The following MRAP2 variants were observed in gnomAD, a reference collection of about 807,000 sequenced individuals.
MRAP2 encodes the protein melanocortin 2 receptor accessory protein 2.
MRAP2 carries 20 observed loss-of-function variants against 17.4 expected under a neutral mutation model. The observed-to-expected ratio is 1.15, with a 90% CI of 0.81 to 1.67. The LOEUF is 1.67. MRAP2 is among the 40% of genes most tolerant of loss of function. The pLI is 0.00. For synonymous variants in MRAP2, 96 were observed against 88.4 expected, an observed-to-expected ratio of 1.09 and a Z score of -0.48; for missense variants, 238 against 240.0, an observed-to-expected ratio of 0.99 and a Z score of 0.05.
chr6:84,122,352 CAAA>C, the MRAP2 span, among the ~76,000 whole-genome samples: 107 of 36,144 alleles, frequency 3.0e-3, 1 homozygote, highest in African/African-American at 2.7e-3. Flanking sequence ...ACAGCACATC[CAAA>C]AAAAAAAAAA....
In MRAP2 at chr6:84,083,011, T is replaced by C. The variant is rs149428793; in HGVS notation, c.228-6080T>C. On this transcript the variant is annotated intron_variant, in intron 3 of 3. Transcript: ENST00000257776. ...ACCTTATCTAAAAAAAGTTCAAATG[T>C]CTAACCAACCGAGATTAATTCAGAT... Among the ~76,000 whole-genome samples, 691 of 152,064 alleles carry C rather than the reference T, an allele frequency of 4.5e-3. 9 individuals are homozygous for C. The highest frequency in any genetic ancestry group is 0.016 in the African/African-American group (659 of 41,480).
chr6:84,095,506 G>A (rs1404023171), downstream of MRAP2, among the ~76,000 whole-genome samples: 1 of 152,170 alleles, frequency 6.6e-6, no homozygotes, highest in East Asian at 1.9e-4. Context: ...AAGAATGCAG[G>A]TGACTTTTTA....
At chr6:84,141,061 C>T in the MRAP2 span, among the ~76,000 whole-genome samples, 7 of 152,210 alleles carry the variant, frequency 4.6e-5, no homozygotes, top group South Asian at 2.1e-4. Context: ...AATCTAATGC[C>T]GCCACTGATC....
At chr6:84,068,781 A>ATTTT (rs2099495436) in intron 3 of MRAP2, among the ~76,000 whole-genome samples, 1 of 117,884 alleles carries the variant, frequency 8.5e-6, no homozygotes, top group African/African-American at 3.3e-5. Flanking sequence ...AGTTTGCTGA[A>ATTTT]TTCTTTTTTT....
intron 3 of MRAP2, among the ~76,000 whole-genome samples, chr6:84,084,952 TTTTA>T (rs1476660266): frequency 7.4e-6 from 1 of 135,052 alleles, no homozygotes; most frequent in Non-Finnish European, 1.6e-5. Flanking sequence ...TTTTATTTTA[TTTTA>T]TTTTATTATA....
the MRAP2 span, among the ~76,000 whole-genome samples, chr6:84,130,326 G>T: frequency 1.3e-5 from 2 of 151,978 alleles, no homozygotes; most frequent in Admixed American, 6.6e-5. Context: ...TTCTTTTTTT[G>T]TTGTGTTTCT....
the MRAP2 span, among the ~76,000 whole-genome samples, chr6:84,132,325 A>G: frequency 1.3e-5 from 2 of 151,844 alleles, no homozygotes; most frequent in East Asian, 1.9e-4. Context: ...TGTGTCTTGG[A>G]GTTGCTCTTC....
At chr6:84,075,744 G>A (rs1016045047) in intron 3 of MRAP2, among the ~76,000 whole-genome samples, 1 of 152,162 alleles carries the variant, frequency 6.6e-6, no homozygotes, top group African/African-American at 2.4e-5. Context: ...TCCAGGTGGG[G>A]CTGTTCTTCA....
intron 3 of MRAP2, among the ~76,000 whole-genome samples, chr6:84,076,506 G>A (rs2099497661): frequency 6.6e-6 from 1 of 151,940 alleles, no homozygotes; most frequent in Non-Finnish European, 1.5e-5. Flanking sequence ...TTACAGGTGT[G>A]AGCCACTGCA....
intron 3 of MRAP2, among the ~76,000 whole-genome samples, chr6:84,084,688 A>G (rs2099499828): frequency 6.6e-6 from 1 of 152,074 alleles, no homozygotes; most frequent in African/African-American, 2.4e-5. Flanking sequence ...GGCTCTATGT[A>G]TTAACTCTAT....
At chr6:84,045,022 G>C (rs2099488614) in intron 1 of MRAP2, 2 of 155,788 alleles carry the variant, frequency 1.3e-5, no homozygotes, top group East Asian at 3.9e-4. Context: ...TATTTACATA[G>C]CATTTATATT....
Position 84,043,815 on chromosome 6 carries a change from C to T in MRAP2, c.-8+9932C>T, listed in dbSNP as rs77446512. Among the ~76,000 whole-genome samples the T allele has an allele frequency of 7.6e-3, 1,156 of 152,286 alleles. 18 individuals are homozygous for T. The highest frequency in any genetic ancestry group is 0.026 in the African/African-American group (1,090 of 41,558). On this transcript the variant is annotated intron_variant, in intron 1 of 3. Coordinates refer to ENST00000257776, the MANE Select transcript of MRAP2 (RefSeq NM_138409.4). ...TACTAAATCTTTCATGGTTAAGTAACAGTGTTTAAAATATCCTTGTTGATC... is the reference window on the plus strand; with the variant it reads ...TACTAAATCTTTCATGGTTAAGTAATAGTGTTTAAAATATCCTTGTTGATC...
intron 2 of MRAP2, among the ~76,000 whole-genome samples, chr6:84,056,787 T>G (rs910336166): frequency 2.0e-5 from 3 of 152,194 alleles, no homozygotes; most frequent in African/African-American, 4.8e-5. Flanking sequence ...AGCTTGCTCC[T>G]ATCTCTTTTC....
intron 3 of MRAP2, among the ~76,000 whole-genome samples, chr6:84,081,890 T>C (rs1239425231): frequency 1.3e-5 from 2 of 152,200 alleles, no homozygotes; most frequent in Admixed American, 6.5e-5. Context: ...TGCTGCCATG[T>C]AAGATGTGCC....
intron 2 of MRAP2, among the ~76,000 whole-genome samples, chr6:84,057,528 T>C (rs1175759083): frequency 7.2e-5 from 11 of 152,212 alleles, no homozygotes; most frequent in Admixed American, 7.2e-4. Context: ...TGCCATCAGT[T>C]TTGAATCCAA....
At chr6:84,119,672 T>G in the MRAP2 span, among the ~76,000 whole-genome samples, 3 of 152,212 alleles carry the variant, frequency 2.0e-5, no homozygotes, top group Admixed American at 6.5e-5. Flanking sequence ...TTTGAAAATG[T>G]CATACACAGA....
intron 2 of MRAP2, among the ~76,000 whole-genome samples, chr6:84,060,611 A>C (rs1444382547): frequency 6.6e-6 from 1 of 151,830 alleles, no homozygotes; most frequent in Non-Finnish European, 1.5e-5. Context: ...TTCACAGTCC[A>C]TGCCTAGATA....
chr6:84,106,833 C>T, the MRAP2 span, among the ~76,000 whole-genome samples: 4 of 152,114 alleles, frequency 2.6e-5, no homozygotes, highest in Non-Finnish European at 4.4e-5. Flanking sequence ...CCAATTTTTA[C>T]AGTTCAGTGG....
At chr6:84,063,796 C>G (rs923231425) in intron 3 of MRAP2, among the ~76,000 whole-genome samples, 2 of 152,140 alleles carry the variant, frequency 1.3e-5, no homozygotes, top group African/African-American at 4.8e-5. Context: ...CCTGTAATCC[C>G]AGCACTTTGG....
Sources: allele counts gnomAD v4.1 joint callset (sites outside exome capture counted in the v4.1 genomes callset), GRCh38; gene constraint gnomAD v4.1.1; transcripts MANE v1.5; gene names NCBI Gene and HGNC (gene_info 2026-07-23, HGNC 2026-07-21).